Variants in ANKRD6 observed in about 807,000 individuals in gnomAD.
ANKRD6 encodes the protein ankyrin repeat domain-containing protein 6.
A neutral mutation model predicts 82.3 loss-of-function variants in ANKRD6; 56 were observed. That is an observed-to-expected ratio of 0.68 (90% confidence interval 0.55 to 0.85). The LOEUF (loss-of-function observed/expected upper bound fraction) is 0.85, where lower values mean the gene tolerates loss of function less well. Ranked by LOEUF, ANKRD6 falls within the 40% of genes least tolerant of loss-of-function variation. ANKRD6 has a pLI of 0.00. For missense variants in ANKRD6, 852 were observed against 907.6 expected (o/e 0.94, Z 0.79); for synonymous variants, 347 against 352.1 (o/e 0.99, Z 0.16).
At chr6:89,434,585 C>T (rs184966170) in intron 1 of ANKRD6, among the ~76,000 whole-genome samples, 2 of 152,226 alleles carry the variant, frequency 1.3e-5, no homozygotes, top group Admixed American at 1.3e-4. Context: ...CAGCCTGGGA[C>T]CACCACACCT....
At chr6:89,473,822 A>G (rs1233777936) in intron 1 of ANKRD6, among the ~76,000 whole-genome samples, 1 of 152,010 alleles carries the variant, frequency 6.6e-6, no homozygotes, top group Non-Finnish European at 1.5e-5. Flanking sequence ...CTACTTAAAA[A>G]AAAAAAAATT....
chr6:89,468,696 C>T (rs1775124536), intron 1 of ANKRD6, among the ~76,000 whole-genome samples: 1 of 151,436 alleles, frequency 6.6e-6, no homozygotes, highest in Non-Finnish European at 1.5e-5. Context: ...AAGGGTTGGA[C>T]ACCTGCGGAT....
chr6:89,624,641 G>A lies in ANKRD6; in HGVS notation c.1321G>A (p.Asp441Asn). 1 of 1,593,484 alleles carries A rather than the reference G, an allele frequency of 6.3e-7. No individual in the cohort carries two copies. The highest frequency in any genetic ancestry group is 8.5e-7 in the Non-Finnish European group (1 of 1,169,672). Residue 441 changes from aspartate (D) to asparagine (N), a missense_variant, in exon 13 of 16, where the codon GAC (aspartate) becomes AAC (asparagine). Physicochemically the swap from Asp to Asn is conservative, Grantham distance 23. Coordinates refer to ENST00000339746, the MANE Select transcript of ANKRD6 (RefSeq NM_001242809.2). The part of the protein sequence containing the change: ...EIKAELGSVQ[D>N]KMNTKLGQME... Reference sequence around the variant, plus strand: ...AAAAGCAGAGCTGGGATCGGTTCAGGACAAAATGAATACAAAGCTGGGGCA... The same window carrying A: ...AAAAGCAGAGCTGGGATCGGTTCAGAACAAAATGAATACAAAGCTGGGGCA...
chr6:89,531,931 G>C (rs1199810909), intron 1 of ANKRD6, among the ~76,000 whole-genome samples: 2 of 152,240 alleles, frequency 1.3e-5, no homozygotes, highest in African/African-American at 2.4e-5. Flanking sequence ...GGTGCGGTTT[G>C]AGTTCTAAGG....
At chr6:89,627,560 A>G in intron 13 of ANKRD6, 23 bp from the exon 14 acceptor site, 1 of 1,610,116 alleles carries the variant, frequency 6.2e-7, no homozygotes, top group Non-Finnish European at 8.5e-7. Flanking sequence ...TCAGTCTTAC[A>G]CTCTGCTCCA....
At position 89,623,537 on chromosome 6, in the gene ANKRD6, G is replaced by A. The variant is rs1487560095; in HGVS notation, c.1025G>A (p.Arg342Lys). 3.2e-6 allele frequency: 5 copies of A among 1,582,832 alleles called. No homozygotes were observed. Among genetic ancestry groups the A allele is most frequent in the Admixed American group, 1.8e-5 (1 of 54,684 alleles). Reference protein sequence around the residue: ...RAKDDRRRKSRPKVSAFSDPT... With the variant: ...RAKDDRRRKSKPKVSAFSDPT... ...AAGGATGACAGGAGGAGAAAGTCAA[G>A]GCCCAAGGTCAGGAGACACAGAAAG... The change falls in exon 11 of 16, where the codon AGG becomes AAG. Residue 342 changes from arginine to lysine, a missense_variant. By Grantham distance (26) the Arg-to-Lys change is conservative. Coordinates refer to ENST00000339746, the MANE Select transcript of ANKRD6 (RefSeq NM_001242809.2).
chr6:89,616,141 G>C (rs1009450557), intron 7 of ANKRD6, among the ~76,000 whole-genome samples: 1 of 152,188 alleles, frequency 6.6e-6, no homozygotes, highest in African/African-American at 2.4e-5. Context: ...GCTCAATCCA[G>C]CACTCAGACA....
At chr6:89,591,480 T>C (rs1171990055) in intron 2 of ANKRD6, among the ~76,000 whole-genome samples, 1 of 152,174 alleles carries the variant, frequency 6.6e-6, no homozygotes, top group East Asian at 1.9e-4. Flanking sequence ...GGCATGGAAA[T>C]GGAAATGAGA....
chr6:89,530,235 A>C (rs1333361973), intron 1 of ANKRD6, among the ~76,000 whole-genome samples: 4 of 152,208 alleles, frequency 2.6e-5, no homozygotes, highest in Non-Finnish European at 5.9e-5. Context: ...AGCCTGGGCA[A>C]CAGAGTGAGA....
intron 1 of ANKRD6, among the ~76,000 whole-genome samples, chr6:89,537,134 A>C (rs1220033816): frequency 6.6e-6 from 1 of 152,282 alleles, no homozygotes; most frequent in Middle Eastern, 3.4e-3. Flanking sequence ...ATGGTTTCCT[A>C]TAAGGAGAGA....
chr6:89,518,806 C>A (rs745375606), intron 1 of ANKRD6, among the ~76,000 whole-genome samples: 4 of 152,116 alleles, frequency 2.6e-5, no homozygotes, highest in Non-Finnish European at 5.9e-5. Context: ...TATTGGTTTG[C>A]TAGGGCTGCC....
At chr6:89,484,422 G>A (rs1777138931) in intron 1 of ANKRD6, among the ~76,000 whole-genome samples, 1 of 152,124 alleles carries the variant, frequency 6.6e-6, no homozygotes, top group Admixed American at 6.5e-5. Context: ...AGAATGAGGA[G>A]TACTGGATTG....
chr6:89,519,203 T>C (rs929087944), intron 1 of ANKRD6, among the ~76,000 whole-genome samples: 7 of 152,204 alleles, frequency 4.6e-5, no homozygotes, highest in Admixed American at 1.3e-4. Flanking sequence ...TTAAAGATTT[T>C]TAAGCAAGGG....
At chr6:89,616,809 G>A in intron 8 of ANKRD6, 152 bp downstream of exon 8, 1 of 785,616 alleles carries the variant, frequency 1.3e-6, no homozygotes, top group Non-Finnish European at 2.2e-6. Flanking sequence ...CATTGGGGTG[G>A]ACTTGAAGGG....
chr6:89,602,156 C>G (rs1390786189), intron 3 of ANKRD6: 1 of 152,342 alleles, frequency 6.6e-6, no homozygotes, highest in Non-Finnish European at 1.5e-5. Flanking sequence ...ACTGCCCACC[C>G]ATCCTCCCTT....
chr6:89,628,942 A>G lies in ANKRD6; in HGVS notation c.1486-170A>G, dbSNP rs149844895. On this transcript the variant is annotated intron_variant, in intron 14 of 15. Coordinates refer to ENST00000339746, the MANE Select transcript of ANKRD6 (RefSeq NM_001242809.2). ...TTCAACATGAGATTTGGAGGGGTCAAATATCCAAACCATAGCAGTGGGCAA... is the reference window on the plus strand; with the variant it reads ...TTCAACATGAGATTTGGAGGGGTCAGATATCCAAACCATAGCAGTGGGCAA... 563 of 689,088 alleles carry G rather than the reference A, an allele frequency of 8.2e-4. 1 individual carries two copies. In the African/African-American group the frequency reaches 9.2e-3, roughly 11 times the overall value. 42.7% of individuals were successfully genotyped at this position (689,088 alleles called of 1,614,324 possible).
At chr6:89,502,276 A>C (rs1779352376) in intron 1 of ANKRD6, among the ~76,000 whole-genome samples, 1 of 152,194 alleles carries the variant, frequency 6.6e-6, no homozygotes, top group African/African-American at 2.4e-5. Context: ...TGCCATACTT[A>C]ACGTAACTAT....
At chr6:89,470,426 C>G (rs1775308030) in intron 1 of ANKRD6, among the ~76,000 whole-genome samples, 1 of 152,136 alleles carries the variant, frequency 6.6e-6, no homozygotes, top group Non-Finnish European at 1.5e-5. Context: ...CAAGATCAGC[C>G]TGGGCAACAT....
At chr6:89,474,454 G>A (rs1775821293) in intron 1 of ANKRD6, among the ~76,000 whole-genome samples, 1 of 152,188 alleles carries the variant, frequency 6.6e-6, no homozygotes, top group South Asian at 2.1e-4. Flanking sequence ...GACTCACTCT[G>A]TCACCCAGGC....
Sources: gnomAD v4.1 joint callset for allele counts (sites outside exome capture counted in the v4.1 genomes callset) on GRCh38, gnomAD v4.1.1 for gene constraint, MANE v1.5 for transcripts, NCBI Gene and HGNC (gene_info 2026-07-23, HGNC 2026-07-21) for gene names.